Variants in FER1L5 observed in about 807,000 individuals in gnomAD.
FER1L5 encodes fer-1 like family member 5, also known as fer-1-like protein 5.
FER1L5 carries 187 observed loss-of-function variants against 279.9 expected under a neutral mutation model. The ratio of observed to expected loss-of-function variants is 0.67; its 90% CI spans 0.59 to 0.75. FER1L5 has a LOEUF of 0.75. FER1L5 is among the 30% of genes least tolerant of loss of function. The pLI is 0.00. For synonymous variants in FER1L5, 921 were observed against 989.7 expected, an observed-to-expected ratio of 0.93 and a Z score of 1.30; for missense variants, 2,091 against 2,594.4, an observed-to-expected ratio of 0.81 and a Z score of 4.21.
intron 19 of FER1L5, among the ~76,000 whole-genome samples, chr2:96,680,818 GCCCAC>G (rs931027040): frequency 2.0e-5 from 3 of 152,022 alleles, no homozygotes; most frequent in Non-Finnish European, 2.9e-5. Flanking sequence ...AGGCCCCTGT[GCCCAC>G]CCCACCCCAC....
At chr2:96,683,055 C>G (rs2076788069) in intron 19 of FER1L5, among the ~76,000 whole-genome samples, 1 of 152,344 alleles carries the variant, frequency 6.6e-6, no homozygotes. Flanking sequence ...GAGAGCCACA[C>G]TGGAGACAGG....
At chr2:96,696,179 C>A in intron 37 of FER1L5, 102 bp downstream of exon 37, 2 of 1,487,064 alleles carry the variant, frequency 1.3e-6, no homozygotes, top group East Asian at 2.4e-5. Context: ...TACCCGTGCC[C>A]AACTGTGAGG....
At chr2:96,662,654 T>TA (rs1354176134) in intron 13 of FER1L5, among the ~76,000 whole-genome samples, 6 of 152,022 alleles carry the variant, frequency 3.9e-5, no homozygotes, top group Non-Finnish European at 8.8e-5. Flanking sequence ...GTGTCATGGG[T>TA]AAAAAAGGGT....
chr2:96,687,981 G>T, intron 24 of FER1L5, 34 bp downstream of exon 24: 2 of 1,548,918 alleles, frequency 1.3e-6, no homozygotes, highest in Non-Finnish European at 1.7e-6. Flanking sequence ...GGCCAGGGCA[G>T]GCACGCGGGG....
chr2:96,643,693 C>G (rs1431411992), intron 1 of FER1L5, among the ~76,000 whole-genome samples: 1 of 151,194 alleles, frequency 6.6e-6, no homozygotes, highest in East Asian at 1.9e-4. Context: ...CTCCTCACAG[C>G]AATTCCAGAG....
intron 19 of FER1L5, among the ~76,000 whole-genome samples, chr2:96,678,757 C>G (rs1477958228): frequency 6.6e-6 from 1 of 152,140 alleles, no homozygotes; most frequent in Non-Finnish European, 1.5e-5. Context: ...GCTCATTAAC[C>G]ATTCATTTAT....
chr2:96,703,239 A>C lies in FER1L5; in HGVS notation c.5584A>C (p.Lys1862Gln). The C allele has an allele frequency of 2.5e-6, 4 of 1,613,874 alleles. No homozygotes were observed. The highest frequency in any genetic ancestry group is 8.5e-7 in the Non-Finnish European group (1 of 1,179,868). ...CSIRMMDADP[K>Q]WPYFIQYKHF... ...CATCAGGATGATGGACGCCGACCCC[A>C]AGTGGCCCTATTTCATCCAATACAA... Residue 1862 changes from lysine (K) to glutamine (Q), a missense_variant, in exon 50 of 53, where the codon AAG becomes CAG. Lys to Gln is a moderately conservative substitution (Grantham distance 53). Transcript: ENST00000624922.
intron 23 of FER1L5, among the ~76,000 whole-genome samples, chr2:96,686,855 C>CA (rs58724485): frequency 0.096 from 3,776 of 39,172 alleles, 330 homozygotes; most frequent in African/African-American, 0.23. Context: ...GACTCCGTCT[C>CA]AAAAAAAAAA....
In FER1L5 at chr2:96,684,398, G is replaced by A. The variant is rs1377038421; in HGVS notation, c.1741G>A (p.Val581Ile). The change falls in exon 20 of 53, where the codon GTC becomes ATC. Residue 581 changes from valine (V) to isoleucine (I), a missense_variant. Physicochemically the swap from Val to Ile is conservative, Grantham distance 29 (BLOSUM62 3). Coordinates refer to ENST00000624922, the MANE Select transcript of FER1L5 (RefSeq NM_001293083.2). ...GGCCGTGACCTCCAACTGGGAGGACGTCAGCTTCCGCATGAACTGCCTCAA... is the reference window on the plus strand; with the variant it reads ...GGCCGTGACCTCCAACTGGGAGGACATCAGCTTCCGCATGAACTGCCTCAA... Reference protein sequence around the residue: ...VVAVTSNWEDVSFRMNCLNLL... With the variant: ...VVAVTSNWEDISFRMNCLNLL... 1 of 1,551,638 alleles carries A rather than the reference G, an allele frequency of 6.4e-7. No individual in the cohort carries two copies.
chr2:96,683,405 C>T (rs561036370), intron 19 of FER1L5, among the ~76,000 whole-genome samples: 1 of 152,176 alleles, frequency 6.6e-6, no homozygotes, highest in South Asian at 2.1e-4. Flanking sequence ...CACTCAACTG[C>T]CATCTCTCTG....
At chr2:96,649,814 A>T in intron 5 of FER1L5, 137 bp downstream of exon 5, 1 of 834,112 alleles carries the variant, frequency 1.2e-6, no homozygotes, top group Non-Finnish European at 1.9e-6. Flanking sequence ...GGGTCCCTGG[A>T]AGCTACAGGG....
chr2:96,651,544 C>G (rs1447993402), intron 6 of FER1L5, among the ~76,000 whole-genome samples: 1 of 151,132 alleles, frequency 6.6e-6, no homozygotes, highest in African/African-American at 2.4e-5. Context: ...CTCTGTTGCC[C>G]AGGCTGGAGT....
chr2:96,696,136 G>T, intron 37 of FER1L5, 59 bp downstream of exon 37: 1 of 1,605,584 alleles, frequency 6.2e-7, no homozygotes, highest in Non-Finnish European at 8.5e-7. Flanking sequence ...TAACCCTTGG[G>T]CCTAAGGAGG....
At position 96,654,051 on chromosome 2, in the gene FER1L5, G is replaced by A. The variant is rs141972090; in HGVS notation, c.696+349G>A. ...AACAATGTGGAACATGTGGTTATCAGGTGCCTACTATGTGCCCAGCACAGG... is the reference window on the plus strand; with the variant it reads ...AACAATGTGGAACATGTGGTTATCAAGTGCCTACTATGTGCCCAGCACAGG... On this transcript the variant is annotated intron_variant, in intron 8 of 52. Transcript: ENST00000624922. 3.5e-5 allele frequency: 13 copies of A among 369,944 alleles called. No homozygotes were observed. The East Asian group carries it at 7.2e-4, about 20-fold the overall frequency. 22.9% of individuals were successfully genotyped at this position (369,944 alleles called of 1,614,324 possible). A position where few individuals can be genotyped will look rare whatever the true frequency, so the allele number is the denominator to read the frequency against.
chr2:96,660,407 G>A, intron 10 of FER1L5, 36 bp downstream of exon 10: 2 of 1,549,018 alleles, frequency 1.3e-6, no homozygotes, highest in South Asian at 2.4e-5. Context: ...TATGTCTTCT[G>A]AGAAAAATCA....
chr2:96,659,206 T>A (rs1280501993), intron 9 of FER1L5, among the ~76,000 whole-genome samples: 2 of 152,022 alleles, frequency 1.3e-5, no homozygotes, highest in Non-Finnish European at 2.9e-5. Flanking sequence ...GTGCTGGGAT[T>A]ACAGGCGTGA....
At chr2:96,690,616 C>A (rs762841526) in intron 27 of FER1L5, 27 bp downstream of exon 27, 4 of 1,539,468 alleles carry the variant, frequency 2.6e-6, no homozygotes, top group African/African-American at 1.4e-5. Context: ...GGGTTGGGAT[C>A]GGGAGAGACC....
chr2:96,659,311 T>TCTCTCTC (rs1558852754), intron 9 of FER1L5, among the ~76,000 whole-genome samples: 16 of 51,014 alleles, frequency 3.1e-4, no homozygotes, highest in African/African-American at 6.0e-4. Context: ...CCTTCCTTCC[T>TCTCTCTC]TCCTTCCTTC....
rs1243674141 is a variant in FER1L5 at position 96,661,401 on chromosome 2, A to G, written c.855A>G (p.Lys285=). The change falls in exon 11 of 53, where the codon AAA becomes AAG. Residue 285 remains lysine, a synonymous_variant. Transcript: ENST00000624922. ...NPGSGVTGYL[K]VTIYALGVGD... is the part of the protein sequence containing the mutation. ...GCAGTGGTGTGACAGGCTACCTGAA[A>G]GTCACCATCTATGCCCTCGGTGTGG... 1 of 1,551,538 alleles carries G rather than the reference A, an allele frequency of 6.4e-7. No homozygotes were observed. Among genetic ancestry groups the G allele is most frequent in the East Asian group, 2.4e-5 (1 of 40,930 alleles).
Sources: gnomAD v4.1 joint callset for allele counts (sites outside exome capture counted in the v4.1 genomes callset) on GRCh38, gnomAD v4.1.1 for gene constraint, MANE v1.5 for transcripts, NCBI Gene and HGNC (gene_info 2026-07-23, HGNC 2026-07-21) for gene names.